HELZ: variants seen among roughly 807,000 people sequenced by gnomAD.
The protein encoded by HELZ is ATP-dependent RNA helicase with zinc finger domain.
A neutral mutation model predicts 218.2 loss-of-function variants in HELZ; 23 were observed. The observed-to-expected ratio is 0.11, with a 90% CI of 0.08 to 0.15. HELZ has a LOEUF of 0.15. Among genes scored for constraint, HELZ ranks in the 10% least tolerant of loss-of-function variants. The pLI is 1.00. For synonymous variants in HELZ, 814 were observed against 829.4 expected, an observed-to-expected ratio of 0.98 and a Z score of 0.32; for missense variants, 1,813 against 2,353.7, an observed-to-expected ratio of 0.77 and a Z score of 4.75.
At chr17:67,204,216 C>G (rs1189844136) in intron 5 of HELZ, among the ~76,000 whole-genome samples, 4 of 152,064 alleles carry the variant, frequency 2.6e-5, no homozygotes, top group African/African-American at 9.7e-5. Flanking sequence ...GGAAATGTTT[C>G]TTTTTAGTAT....
At chr17:67,122,847 G>T in intron 26 of HELZ, 123 bp downstream of exon 26, 1 of 631,856 alleles carries the variant, frequency 1.6e-6, no homozygotes, top group Non-Finnish European at 2.7e-6. Context: ...TTTAAAAGAA[G>T]ATTATCAGCA....
chr17:67,122,983 G>T lies in HELZ; in HGVS notation c.3617C>A (p.Ser1206Ter). Residue 1206 changes from serine (S) to a stop codon, truncating the protein, a stop_gained, in exon 26 of 33, where the codon TCG becomes TAG. Coordinates refer to ENST00000358691, the MANE Select transcript of HELZ (RefSeq NM_014877.4). LOFTEE classifies it high-confidence loss of function. ...PAVYGGNVVM[S>*]VPLPVPWTGY... Reference sequence around the variant, plus strand: ...ATGTCCACTTACAGGTAAAGGCACCGACATAACTACATTCCCTCCATAGAC... The same window carrying T: ...ATGTCCACTTACAGGTAAAGGCACCTACATAACTACATTCCCTCCATAGAC... The T allele has an allele frequency of 6.2e-7, 1 of 1,609,268 alleles. No homozygotes were observed. The highest frequency in any genetic ancestry group is 1.1e-5 in the South Asian group (1 of 90,784).
intron 3 of HELZ, among the ~76,000 whole-genome samples, chr17:67,237,943 G>T (rs1052932158): frequency 6.9e-6 from 1 of 145,298 alleles, no homozygotes; most frequent in Non-Finnish European, 1.5e-5. Flanking sequence ...AGCTGAGATC[G>T]CCCCATTGCA....
intron 31 of HELZ, among the ~76,000 whole-genome samples, chr17:67,104,673 TA>T (rs1053788511): frequency 6.6e-6 from 1 of 151,860 alleles, no homozygotes; most frequent in African/African-American, 2.4e-5. Context: ...CAGAATACAT[TA>T]AAAAAAACCT....
intron 13 of HELZ, among the ~76,000 whole-genome samples, chr17:67,169,737 G>T (rs2039255260): frequency 6.6e-6 from 1 of 152,116 alleles, no homozygotes; most frequent in Non-Finnish European, 1.5e-5. Context: ...CAACTCTAAA[G>T]TCCAAGTCCA....
intron 27 of HELZ, among the ~76,000 whole-genome samples, chr17:67,117,591 C>T (rs2037466122): frequency 6.6e-6 from 1 of 150,984 alleles, no homozygotes; most frequent in Admixed American, 6.6e-5. Flanking sequence ...GCTCTGTCAC[C>T]CAGGCTGGAG....
At chr17:67,126,426 C>T (rs1362032696) in intron 24 of HELZ, among the ~76,000 whole-genome samples, 1 of 152,164 alleles carries the variant, frequency 6.6e-6, no homozygotes, top group Admixed American at 6.5e-5. Flanking sequence ...CAGCATTCCA[C>T]ATGGTTCAAT....
At chr17:67,215,366 T>TC in intron 5 of HELZ, among the ~76,000 whole-genome samples, 1 of 145,852 alleles carries the variant, frequency 6.9e-6, no homozygotes, top group South Asian at 2.1e-4. Flanking sequence ...TTTTTTTTTT[T>TC]GAGACGTAGT....
intron 3 of HELZ, among the ~76,000 whole-genome samples, chr17:67,239,093 A>ATCG (rs1366690443): frequency 1.3e-5 from 2 of 152,238 alleles, no homozygotes; most frequent in Non-Finnish European, 2.9e-5. Flanking sequence ...GCACAAAGTA[A>ATCG]TCGCCACTCA....
chr17:67,092,657 T>C (rs1352683730), intron 31 of HELZ, among the ~76,000 whole-genome samples: 1 of 152,176 alleles, frequency 6.6e-6, no homozygotes, highest in Non-Finnish European at 1.5e-5. Flanking sequence ...AACTCCCAAG[T>C]TGCTTTTTAG....
intron 15 of HELZ, among the ~76,000 whole-genome samples, chr17:67,162,425 A>C (rs1308448061): frequency 6.6e-6 from 1 of 152,224 alleles, no homozygotes. Context: ...CCTCAGCATT[A>C]ACCGGCTTAT....
chr17:67,229,143 A>G (rs1194240210), intron 3 of HELZ, among the ~76,000 whole-genome samples: 2 of 152,186 alleles, frequency 1.3e-5, no homozygotes, highest in East Asian at 3.8e-4. Flanking sequence ...CCTGAGGGAG[A>G]AAAAGTATAC....
chr17:67,108,687 T>C lies in HELZ; in HGVS notation c.4529A>G (p.Gln1510Arg). The part of the protein sequence containing the change: ...HGSVALETLR[Q>R]QQARFQQWSE... Reference sequence around the variant, plus strand: ...CCACTGCTGGAACCGTGCCTGCTGCTGCCTTAATGTTTCCAGAGCGACACT... The same window carrying C: ...CCACTGCTGGAACCGTGCCTGCTGCCGCCTTAATGTTTCCAGAGCGACACT... Residue 1510 changes from glutamine (Q) to arginine (R), a missense_variant, in exon 30 of 33, where the codon CAG becomes CGG. Around this residue, in one of 4 missense-constraint regions of HELZ, gnomAD observed 938 missense variants for 1,027.5 expected, o/e 0.91. Transcript: ENST00000358691. This position sits in a 1 kb window ranked among gnomAD's most constrained non-coding sequence, Gnocchi z 4.1. The C allele has an allele frequency of 6.2e-7, 1 of 1,613,322 alleles. No homozygotes were observed. The highest frequency in any genetic ancestry group is 8.5e-7 in the Non-Finnish European group (1 of 1,179,346).
Position 67,138,001 on chromosome 17 carries a change from A to C in HELZ, c.2883T>G (p.Phe961Leu). ...TTTTTCGAAGTTCAGCACGTATTCT[A>C]AACACTTGATCAGCATATGGAGTCA... ...GVVTPYADQVFRIRAELRKKR... is the reference protein window; with the variant it reads ...GVVTPYADQVLRIRAELRKKR... Residue 961 changes from phenylalanine to leucine, a missense_variant, in exon 22 of 33, where the codon TTT becomes TTG. Around this residue, in one of 4 missense-constraint regions of HELZ, gnomAD observed 156 missense variants for 274.4 expected, o/e 0.57. Transcript: ENST00000358691. The C allele has an allele frequency of 6.2e-7, 1 of 1,613,856 alleles. No individual in the cohort carries two copies. The highest frequency in any genetic ancestry group is 8.5e-7 in the Non-Finnish European group (1 of 1,179,812).
intron 5 of HELZ, among the ~76,000 whole-genome samples, chr17:67,210,117 G>C (rs1235918617): frequency 6.6e-6 from 1 of 152,138 alleles, no homozygotes; most frequent in African/African-American, 2.4e-5. Context: ...CCAGCTACTG[G>C]GGAGGCTGAA....
In HELZ at chr17:67,165,593, T is replaced by C. The variant is rs187377588; in HGVS notation, c.1895+885A>G. ...AAACAAAGGTGTTGTGAGTTGAGCA[T>C]GGGCAGGTGCTAAGGGCATAAAACC... On this transcript the variant is annotated intron_variant, in intron 15 of 32. Transcript: ENST00000358691. Among the ~76,000 whole-genome samples the C allele has an allele frequency of 2.0e-4, 31 of 152,324 alleles. 1 individual carries two copies. Among genetic ancestry groups the C allele is most frequent in the Middle Eastern group, 6.8e-3 (2 of 294 alleles).
Position 67,109,379 on chromosome 17 carries a change from T to C in HELZ, c.4226A>G (p.Asn1409Ser). ...AGGAGGTGGCTGCTGAGGCTGCTGA[T>C]TCAACTGACTTTGCTGCTGGACTAC... ...NQVVQQQSQL[N>S]QQPQQPPPQL... Residue 1409 changes from asparagine (N) to serine (S), a missense_variant, in exon 29 of 33, where the codon AAT becomes AGT. Coordinates refer to ENST00000358691, the MANE Select transcript of HELZ (RefSeq NM_014877.4). 6.2e-7 allele frequency: 1 copy of C among 1,614,172 alleles called. No individual in the cohort carries two copies. Among genetic ancestry groups the C allele is most frequent in the Non-Finnish European group, 8.5e-7 (1 of 1,180,040 alleles).
intron 32 of HELZ, among the ~76,000 whole-genome samples, chr17:67,085,776 T>C (rs2036351010): frequency 1.3e-5 from 2 of 151,962 alleles, no homozygotes; most frequent in Non-Finnish European, 2.9e-5. Flanking sequence ...AGAGAAGGAA[T>C]TAGAGAATTC....
At position 67,188,158 on chromosome 17, in the gene HELZ, T is replaced by A; in HGVS notation, c.1162+161A>T. ...TGAAGAAATCAGGGCACAGTGTGAA[T>A]CATTATAAGCCCATTACACAGTAAA... On this transcript the variant is annotated intron_variant, in intron 12 of 32. Coordinates refer to ENST00000358691, the MANE Select transcript of HELZ (RefSeq NM_014877.4). The surrounding 1 kb of genome is among the most constrained non-coding windows in gnomAD (Gnocchi z 4.1). 3.1e-6 allele frequency: 2 copies of A among 647,586 alleles called. No individual in the cohort carries two copies. Among genetic ancestry groups the A allele is most frequent in the Non-Finnish European group, 5.1e-6 (2 of 390,688 alleles). The allele number at this position is 647,586 out of a possible 1,614,324, so 40.1% of individuals were successfully genotyped here.
Sources: allele counts gnomAD v4.1 joint callset (sites outside exome capture counted in the v4.1 genomes callset), GRCh38; gene constraint gnomAD v4.1.1; regional missense constraint gnomAD v4.1.1; non-coding constraint Gnocchi (gnomAD v3.1); transcripts MANE v1.5; gene names NCBI Gene and HGNC (gene_info 2026-07-23, HGNC 2026-07-21).